The following CTNNA3 variants were observed in gnomAD, a reference collection of about 807,000 sequenced individuals.
The protein encoded by CTNNA3 is catenin alpha 3, also known as catenin alpha-3.
CTNNA3 carries 76 observed loss-of-function variants against 95.7 expected under a neutral mutation model. The observed-to-expected ratio is 0.79, with a 90% CI of 0.66 to 0.96. The LOEUF is 0.96. Ranked by LOEUF, CTNNA3 falls within the 40% of genes least tolerant of loss-of-function variation. The pLI is 0.00. For missense variants in CTNNA3, 1,191 were observed against 1,089.8 expected (o/e 1.09, Z -1.31); for synonymous variants, 431 against 374.4 (o/e 1.15, Z -1.74).
At chr10:66,407,934 C>T (rs552676942) in intron 11 of CTNNA3, among the ~76,000 whole-genome samples, 2 of 152,266 alleles carry the variant, frequency 1.3e-5, no homozygotes, top group Admixed American at 6.5e-5. Context: ...TGTTCTAACG[C>T]ATAAATTATA....
intron 5 of CTNNA3, among the ~76,000 whole-genome samples, chr10:67,370,281 A>C (rs1843375018): frequency 1.3e-5 from 2 of 152,120 alleles, no homozygotes; most frequent in Admixed American, 6.5e-5. Flanking sequence ...CTTTTTTCAC[A>C]AAATTTGTGT....
At chr10:67,499,250 T>C (rs1326703439) in intron 5 of CTNNA3, among the ~76,000 whole-genome samples, 4 of 152,216 alleles carry the variant, frequency 2.6e-5, no homozygotes, top group African/African-American at 9.7e-5. Context: ...GATTTGCATA[T>C]GTTGAACCAG....
intron 5 of CTNNA3, among the ~76,000 whole-genome samples, chr10:67,425,735 G>A (rs893813845): frequency 1.3e-5 from 2 of 151,962 alleles, no homozygotes; most frequent in Non-Finnish European, 1.5e-5. Context: ...ATCACAGAGG[G>A]GTCTTTTGCT....
At chr10:66,871,601 G>A (rs1844412422) in intron 7 of CTNNA3, among the ~76,000 whole-genome samples, 1 of 144,368 alleles carries the variant, frequency 6.9e-6, no homozygotes, top group Non-Finnish European at 1.5e-5. Flanking sequence ...TCAACAATAT[G>A]TTTTTCTAAT....
chr10:66,264,714 A>T (rs551818769), intron 13 of CTNNA3, among the ~76,000 whole-genome samples: 1 of 151,944 alleles, frequency 6.6e-6, no homozygotes, highest in Non-Finnish European at 1.5e-5. Flanking sequence ...CAGCTCTAGT[A>T]TATGGCAACA....
At chr10:66,898,475 G>T (rs1402863729) in intron 7 of CTNNA3, among the ~76,000 whole-genome samples, 1 of 152,022 alleles carries the variant, frequency 6.6e-6, no homozygotes, top group East Asian at 1.9e-4. Context: ...GTATGGTGCT[G>T]GCAACAAACA....
At chr10:65,983,341 A>T (rs2078362268) in intron 16 of CTNNA3, among the ~76,000 whole-genome samples, 1 of 151,550 alleles carries the variant, frequency 6.6e-6, no homozygotes, top group African/African-American at 2.4e-5. Flanking sequence ...TTTGGCTCCT[A>T]TTGTCTCCTT....
chr10:66,416,548 TTTA>T (rs199941256), intron 11 of CTNNA3, among the ~76,000 whole-genome samples: 9,386 of 140,088 alleles, frequency 0.067, 575 homozygotes, highest in East Asian at 0.23. Flanking sequence ...AATTTTTTTT[TTTA>T]AAAAAAAGCA....
intron 9 of CTNNA3, among the ~76,000 whole-genome samples, chr10:66,695,928 A>T (rs184368675): frequency 1.5e-5 from 2 of 133,344 alleles, no homozygotes; most frequent in East Asian, 4.7e-4. Flanking sequence ...GGGGGGGGGC[A>T]ATAAAAATGT....
At chr10:66,630,075 C>A (rs948697793) in intron 9 of CTNNA3, among the ~76,000 whole-genome samples, 13 of 152,080 alleles carry the variant, frequency 8.5e-5, no homozygotes, top group Admixed American at 7.9e-4. Context: ...CAGGGACCAC[C>A]CCTGTATTTG....
chr10:66,610,456 A>G (rs541443613), intron 10 of CTNNA3, among the ~76,000 whole-genome samples: 7 of 152,276 alleles, frequency 4.6e-5, no homozygotes, highest in African/African-American at 1.7e-4. Context: ...TTTCAATAAC[A>G]GTTTATTTAG....
intron 6 of CTNNA3, among the ~76,000 whole-genome samples, chr10:67,190,256 C>T (rs1213169282): frequency 6.6e-6 from 1 of 151,678 alleles, no homozygotes; most frequent in Non-Finnish European, 1.5e-5. Context: ...GAAAAATTGC[C>T]AGAATATATG....
At chr10:67,235,323 T>C (rs995803296) in intron 5 of CTNNA3, among the ~76,000 whole-genome samples, 14 of 151,798 alleles carry the variant, frequency 9.2e-5, no homozygotes, top group Non-Finnish European at 2.1e-4. Flanking sequence ...GAGATATAGA[T>C]CAATGGAACA....
intron 6 of CTNNA3, among the ~76,000 whole-genome samples, chr10:67,209,729 C>A (rs1864061640): frequency 6.7e-6 from 1 of 149,928 alleles, no homozygotes. Flanking sequence ...TTTAAAACAC[C>A]AAAAACCAAT....
At chr10:67,705,456 T>G (rs1589576794) in intron 1 of CTNNA3, among the ~76,000 whole-genome samples, 1 of 148,082 alleles carries the variant, frequency 6.8e-6, no homozygotes, top group Admixed American at 6.7e-5. Context: ...CCATAAAAAA[T>G]GATGAGTTCA....
chr10:66,651,660 C>CTGCT, intron 9 of CTNNA3, among the ~76,000 whole-genome samples: 1 of 152,246 alleles, frequency 6.6e-6, no homozygotes, highest in East Asian at 1.9e-4. Context: ...GCCCGCCGGC[C>CTGCT]GGCACTGCTG....
intron 2 of CTNNA3, among the ~76,000 whole-genome samples, chr10:67,617,279 T>C (rs113669283): frequency 1.9e-4 from 29 of 152,242 alleles, no homozygotes; most frequent in Middle Eastern, 3.4e-3. Context: ...TAGGACCCAG[T>C]GTCTGTTGTT....
chr10:67,389,595 A>C (rs1414725105), intron 5 of CTNNA3, among the ~76,000 whole-genome samples: 13 of 149,556 alleles, frequency 8.7e-5, no homozygotes, highest in Non-Finnish European at 1.6e-4. Context: ...CCCCAAATCA[A>C]CAGAATATAC....
chr10:66,197,074 A>C (rs967479632), intron 13 of CTNNA3, among the ~76,000 whole-genome samples: 1 of 152,208 alleles, frequency 6.6e-6, no homozygotes, highest in Admixed American at 6.5e-5. Context: ...ACTACCATGC[A>C]AGGATATTGG....
Sources: allele counts gnomAD v4.1 joint callset (sites outside exome capture counted in the v4.1 genomes callset), GRCh38; gene constraint gnomAD v4.1.1; transcripts MANE v1.5; gene names NCBI Gene and HGNC (gene_info 2026-07-23, HGNC 2026-07-21).